The following TRPM8 variants were observed in gnomAD, a reference collection of about 807,000 sequenced individuals.
TRPM8 encodes TRPM8 cationic channel.
Under a neutral mutation model 133.7 loss-of-function variants are expected in TRPM8, and 110 were observed. The ratio of observed to expected loss-of-function variants is 0.82; its 90% confidence interval spans 0.70 to 0.96. The LOEUF is 0.96. TRPM8 is among the 40% of genes least tolerant of loss of function. The pLI, the probability that TRPM8 is intolerant of heterozygous loss-of-function variation, is 0.00. For synonymous variants in TRPM8, 535 were observed against 532.3 expected (o/e 1.01, Z -0.07); for missense variants, 1,291 against 1,379.5 (o/e 0.94, Z 1.02).
intron 3 of TRPM8, among the ~76,000 whole-genome samples, chr2:233,936,106 C>G (rs6721957): frequency 0.049 from 7,489 of 152,164 alleles, 609 homozygotes; most frequent in African/African-American, 0.17. Flanking sequence ...TCATGGCAAG[C>G]CTGACAGGGG....
chr2:233,948,830 C>T (rs1352556894), intron 8 of TRPM8, among the ~76,000 whole-genome samples: 2 of 152,110 alleles, frequency 1.3e-5, no homozygotes, highest in African/African-American at 4.8e-5. Flanking sequence ...GTCAGGAGTT[C>T]GAGACCAGCC....
chr2:233,949,108 A>G (rs903971449), intron 8 of TRPM8, among the ~76,000 whole-genome samples: 3 of 152,274 alleles, frequency 2.0e-5, no homozygotes, highest in South Asian at 4.2e-4. Context: ...TTAACTCCCC[A>G]TCGACACACC....
intron 15 of TRPM8, among the ~76,000 whole-genome samples, chr2:233,968,882 T>A (rs564879257): frequency 6.6e-6 from 1 of 152,210 alleles, no homozygotes; most frequent in African/African-American, 2.4e-5. Flanking sequence ...AGCTTTTACA[T>A]GCATTTCAGC....
intron 12 of TRPM8, 77 bp downstream of exon 12, chr2:233,961,143 T>C: frequency 7.1e-7 from 1 of 1,417,330 alleles, no homozygotes; most frequent in East Asian, 2.3e-5. Context: ...CCATTTTCCC[T>C]ACTCCCTATC....
chr2:234,005,634 G>C (rs1429717233), intron 22 of TRPM8, among the ~76,000 whole-genome samples: 1 of 152,046 alleles, frequency 6.6e-6, no homozygotes, highest in Non-Finnish European at 1.5e-5. Flanking sequence ...ATCGAGGCTG[G>C]GCACAGTGTC....
chr2:233,927,837 TTCCTTC>T (rs1559516330), intron 2 of TRPM8, among the ~76,000 whole-genome samples: 17 of 86,490 alleles, frequency 2.0e-4, no homozygotes, highest in Non-Finnish European at 1.1e-4. Flanking sequence ...CCTTCCTTCC[TTCCTTC>T]CTTCCTTCCT....
At chr2:233,984,298 G>T (rs1335619588) in intron 20 of TRPM8, among the ~76,000 whole-genome samples, 1 of 152,074 alleles carries the variant, frequency 6.6e-6, no homozygotes, top group Admixed American at 6.5e-5. Context: ...TCTCTGGCAC[G>T]GAGCAGCTCT....
intron 17 of TRPM8, among the ~76,000 whole-genome samples, chr2:233,975,871 G>C (rs1227229352): frequency 6.7e-6 from 1 of 148,698 alleles, no homozygotes; most frequent in Non-Finnish European, 1.5e-5. Flanking sequence ...GACAGAGTGA[G>C]ACTCCACCTC....
At position 233,981,670 on chromosome 2, in the gene TRPM8, C is replaced by T. The variant is rs1248028272; in HGVS notation, c.2448-104C>T. On this transcript the variant is annotated intron_variant, in intron 18 of 25. Transcript: ENST00000324695. ...TCTGGCCTATTTTCACTCACTCAAC[C>T]TTCCAGCTCTTGCCTGTTTCTTGAA... 6.5e-6 allele frequency: 8 copies of T among 1,237,168 alleles called. No individual in the cohort carries two copies. In the East Asian group the frequency reaches 1.7e-4, roughly 27 times the overall value. 76.6% of individuals were successfully genotyped at this position (1,237,168 alleles called of 1,614,324 possible).
chr2:233,931,461 C>G (rs550453748), intron 3 of TRPM8, among the ~76,000 whole-genome samples: 3 of 152,302 alleles, frequency 2.0e-5, no homozygotes, highest in Admixed American at 6.5e-5. Context: ...TGAAAAGACT[C>G]TCTGTTGAAC....
intron 2 of TRPM8, among the ~76,000 whole-genome samples, chr2:233,928,609 T>TA (rs1197178522): frequency 6.6e-6 from 1 of 152,168 alleles, no homozygotes. Flanking sequence ...AAATTACAAG[T>TA]AAAAATGGGC....
rs1366915950 is a variant in TRPM8 at position 233,964,644 on chromosome 2, T to G, written c.1766T>G (p.Leu589Arg). 1 of 1,601,030 alleles carries G rather than the reference T, an allele frequency of 6.2e-7. No homozygotes were observed. Among genetic ancestry groups the G allele is most frequent in the Non-Finnish European group, 8.5e-7 (1 of 1,171,676 alleles). The change falls in exon 14 of 26, where the codon CTG (leucine) becomes CGG (arginine). Residue 589 changes from leucine (L) to arginine (R), a missense_variant. By Grantham distance (102) the Leu-to-Arg change is moderately radical. This residue lies in a region of TRPM8 where 963 missense variants were observed against 968.9 expected (regional missense o/e 0.99). Coordinates refer to ENST00000324695, the MANE Select transcript of TRPM8 (RefSeq NM_024080.5). ...CCTAAAAAGACCAGGGGCTGCACTCTGGCAGCCCTGGGAGCCAGCAAGCTT... is the reference window on the plus strand; with the variant it reads ...CCTAAAAAGACCAGGGGCTGCACTCGGGCAGCCCTGGGAGCCAGCAAGCTT... ...VIWEQTRGCTLAALGASKLLK... is the reference protein window; with the variant it reads ...VIWEQTRGCTRAALGASKLLK...
In TRPM8 at chr2:233,933,354, CACTTA is replaced by C. The variant is rs201258780; in HGVS notation, c.191+2620_191+2624del. On this transcript the variant is annotated intron_variant, in intron 3 of 25. Transcript: ENST00000324695. ...GGAATGTTTTTAATTTATTTAATTT[CACTTA>C]ACTTAAATATAAAATTAAATAACCA... Among the ~76,000 whole-genome samples the C allele has an allele frequency of 8.2e-3, 1,250 of 152,286 alleles. 15 individuals carry two copies. The highest frequency in any genetic ancestry group is 0.028 in the African/African-American group (1,163 of 41,552).
intron 15 of TRPM8, 67 bp from the exon 16 acceptor site, chr2:233,969,627 GT>G: frequency 1.1e-6 from 1 of 945,334 alleles, no homozygotes. Context: ...GGGGAAGAAA[GT>G]TTGCATGGCA....
Position 233,983,089 on chromosome 2 carries a change from G to C in TRPM8, c.2626G>C (p.Val876Leu). ...DVFFFLFLFA[V>L]WMVAFGVARQ... is the part of the protein sequence containing the mutation. ...GTTCTTCTTCCTGTTCCTCTTTGCG[G>C]TGTGGATGGTGGCCTTTGGCGTGGC... Residue 876 changes from valine (V) to leucine (L), a missense_variant, in exon 20 of 26, where the codon GTG becomes CTG. This residue lies in a region of TRPM8 where 328 missense variants were observed against 410.6 expected (regional missense o/e 0.80). Coordinates refer to ENST00000324695, the MANE Select transcript of TRPM8 (RefSeq NM_024080.5). 1 of 1,614,168 alleles carries C rather than the reference G, an allele frequency of 6.2e-7. No homozygotes were observed. Among genetic ancestry groups the C allele is most frequent in the Non-Finnish European group, 8.5e-7 (1 of 1,180,002 alleles).
At chr2:233,938,577 C>T (rs1187951010) in intron 4 of TRPM8, among the ~76,000 whole-genome samples, 1 of 152,172 alleles carries the variant, frequency 6.6e-6, no homozygotes, top group African/African-American at 2.4e-5. Context: ...GGACAACTCA[C>T]GAAGCAAAGG....
intron 5 of TRPM8, 99 bp from the exon 6 acceptor site, chr2:233,942,477 G>A (rs991643053): frequency 4.3e-6 from 5 of 1,168,300 alleles, no homozygotes; most frequent in South Asian, 1.3e-5. Flanking sequence ...GTGTCCTGAT[G>A]CCTACAGGGA....
intron 24 of TRPM8, among the ~76,000 whole-genome samples, chr2:234,010,692 G>T (rs1284770506): frequency 6.6e-6 from 1 of 152,122 alleles, no homozygotes; most frequent in Non-Finnish European, 1.5e-5. Flanking sequence ...GTGAGGTATG[G>T]TCTCATTGTG....
At chr2:233,972,423 C>G (rs1457623304) in intron 17 of TRPM8, among the ~76,000 whole-genome samples, 2 of 152,268 alleles carry the variant, frequency 1.3e-5, no homozygotes, top group African/African-American at 2.4e-5. Flanking sequence ...GATCCCGCAC[C>G]GCGGCTGCAG....
Sources: allele counts gnomAD v4.1 joint callset (sites outside exome capture counted in the v4.1 genomes callset), GRCh38; gene constraint gnomAD v4.1.1; regional missense constraint gnomAD v4.1.1; transcripts MANE v1.5; gene names NCBI Gene and HGNC (gene_info 2026-07-23, HGNC 2026-07-21).